Variants in WDR33 observed in about 807,000 individuals in gnomAD.
The protein encoded by WDR33 is pre-mRNA 3' end processing protein WDR33.
A neutral mutation model predicts 164.9 loss-of-function variants in WDR33; 47 were observed. The observed-to-expected ratio is 0.29, with a 90% CI of 0.23 to 0.36. The LOEUF is 0.36. Among genes scored for constraint, WDR33 ranks in the 10% least tolerant of loss-of-function variants. The pLI is 1.00. For missense variants in WDR33, 1,137 were observed against 1,754.1 expected (o/e 0.65, Z 6.28); for synonymous variants, 505 against 589.0 (o/e 0.86, Z 2.06).
At chr2:127,753,389 C>T (rs923435400) in intron 7 of WDR33, among the ~76,000 whole-genome samples, 3 of 152,150 alleles carry the variant, frequency 2.0e-5, no homozygotes, top group African/African-American at 7.2e-5. Flanking sequence ...ATAACAGTGG[C>T]TGAAAAATAT....
chr2:127,757,198 G>C (rs542942307), intron 7 of WDR33, among the ~76,000 whole-genome samples: 97 of 151,936 alleles, frequency 6.4e-4, no homozygotes, highest in African/African-American at 2.3e-3. Context: ...CCCAAGAAAG[G>C]TACAGATTTA....
chr2:127,701,926 GA>G lies in WDR33; in HGVS notation c.*4396del. 2 of 1,435,366 alleles carry G rather than the reference GA, an allele frequency of 1.4e-6. No homozygotes were observed. Among genetic ancestry groups the G allele is most frequent in the Non-Finnish European group, 1.8e-6 (2 of 1,101,244 alleles). The allele number at this position is 1,435,366 out of a possible 1,614,324, so 88.9% of individuals were successfully genotyped here. On this transcript the variant is annotated 3_prime_UTR_variant, in exon 22 of 22. Transcript: ENST00000322313. ...CTGCTGCGGGGCGGCGCGGCGTGCG[GA>G]CGCCTGCTGCGCTGCGAAGAAGCGC...
At position 127,764,525 on chromosome 2, in the gene WDR33, A is replaced by G; in HGVS notation, c.626+303T>C. 1.3e-6 allele frequency: 2 copies of G among 1,523,846 alleles called. No homozygotes were observed. Among genetic ancestry groups the G allele is most frequent in the Non-Finnish European group, 1.8e-6 (2 of 1,139,432 alleles). 94.4% of individuals were successfully genotyped at this position (1,523,846 alleles called of 1,614,324 possible). On this transcript the variant is annotated intron_variant, in intron 6 of 21. Transcript: ENST00000322313. This position sits in a 1 kb window ranked among gnomAD's most constrained non-coding sequence, Gnocchi z 6.2. ...GAAATATTCTTGTCTTACACAGTAG[A>G]TAATAAAAAGGAATAACGTATACAC...
rs780655920 is a variant in WDR33 at position 127,720,397 on chromosome 2, G to A, written c.1672-44C>T. The stretch of plus-strand genomic sequence containing the variant: ...AAAAGCATGTTGAATAAACAGGCCA[G>A]AGCCCTTGAAGATGACAATATTGCT... On this transcript the variant is annotated intron_variant, in intron 15 of 21. Coordinates refer to ENST00000322313, the MANE Select transcript of WDR33 (RefSeq NM_018383.5). This position sits in a 1 kb window ranked among gnomAD's most constrained non-coding sequence, Gnocchi z 5.9. The A allele has an allele frequency of 1.3e-5, 19 of 1,493,248 alleles. No individual in the cohort carries two copies. Among genetic ancestry groups the A allele is most frequent in the Non-Finnish European group, 1.7e-5 (19 of 1,123,800 alleles). 92.5% of individuals were successfully genotyped at this position (1,493,248 alleles called of 1,614,324 possible).
intron 1 of WDR33, among the ~76,000 whole-genome samples, chr2:127,774,194 G>GGT: frequency 6.6e-6 from 1 of 151,732 alleles, no homozygotes; most frequent in African/African-American, 2.4e-5. Flanking sequence ...TGGGATTACA[G>GGT]GCATCTGCCA....
intron 7 of WDR33, among the ~76,000 whole-genome samples, chr2:127,728,645 T>G (rs1002945128): frequency 6.6e-6 from 1 of 152,180 alleles, no homozygotes; most frequent in African/African-American, 2.4e-5. Flanking sequence ...CTTGTTTGCC[T>G]TAAGAAATTT....
chr2:127,717,241 G>A lies in WDR33; in HGVS notation c.2783C>T (p.Pro928Leu), dbSNP rs767325699. 11 of 1,601,732 alleles carry A rather than the reference G, an allele frequency of 6.9e-6. No homozygotes were observed. Among genetic ancestry groups the A allele is most frequent in the Admixed American group, 1.7e-5 (1 of 57,890 alleles). The change falls in exon 17 of 22, where the codon CCA becomes CTA. Residue 928 changes from proline (P) to leucine (L), a missense_variant. Around this residue, in one of 9 missense-constraint regions of WDR33, gnomAD observed 867 missense variants for 1,073.0 expected, o/e 0.81. Transcript: ENST00000322313. This position sits in a 1 kb window ranked among gnomAD's most constrained non-coding sequence, Gnocchi z 5.6. ...FNQEGQSTGPPPLIPGLGQQG... is the reference protein window; with the variant it reads ...FNQEGQSTGPLPLIPGLGQQG... ...CTGCCCTAGGCCTGGTATCAGGGGT[G>A]GGGGGCCTGTGCTCTGTCCTTCCTG...
chr2:127,766,178 T>C (rs551664231), intron 4 of WDR33, among the ~76,000 whole-genome samples: 20 of 150,974 alleles, frequency 1.3e-4, no homozygotes, highest in Non-Finnish European at 2.5e-4. Flanking sequence ...TATTTTCAAG[T>C]TTCTATGATG....
At chr2:127,781,878 A>G (rs565771193) in intron 1 of WDR33, among the ~76,000 whole-genome samples, 1 of 152,050 alleles carries the variant, frequency 6.6e-6, no homozygotes, top group Non-Finnish European at 1.5e-5. Context: ...CACGCCTGTA[A>G]TCTCAGCTAC....
chr2:127,701,983 C>G lies in WDR33; in HGVS notation c.*4340G>C, dbSNP rs1685902273. The G allele has an allele frequency of 7.4e-7, 1 of 1,357,704 alleles. No homozygotes were observed. The highest frequency in any genetic ancestry group is 9.4e-7 in the Non-Finnish European group (1 of 1,059,166). The allele number at this position is 1,357,704 out of a possible 1,614,324, so 84.1% of individuals were successfully genotyped here. A position where few individuals can be genotyped will look rare whatever the true frequency, so the allele number is the denominator to read the frequency against. On this transcript the variant is annotated 3_prime_UTR_variant, in exon 22 of 22. Transcript: ENST00000322313. ...CGGCCCGCGCTGCTCTACATGGCAG[C>G]GCTGGGCGCCACGCTGTTCGCCGCG...
chr2:127,800,196 T>C (rs1350630995), intron 1 of WDR33, among the ~76,000 whole-genome samples: 2 of 152,202 alleles, frequency 1.3e-5, no homozygotes, highest in African/African-American at 4.8e-5. Flanking sequence ...ACACAAATAT[T>C]TGTACGTGAA....
At chr2:127,779,665 T>C (rs1223716059) in intron 1 of WDR33, among the ~76,000 whole-genome samples, 1 of 152,168 alleles carries the variant, frequency 6.6e-6, no homozygotes, top group Non-Finnish European at 1.5e-5. Context: ...TCCCTTCCTG[T>C]GTATTTTCTG....
Position 127,709,929 on chromosome 2 carries a change from C to A in WDR33, c.3309-73G>T. 1 of 1,532,434 alleles carries A rather than the reference C, an allele frequency of 6.5e-7. No homozygotes were observed. 94.9% of individuals were successfully genotyped at this position (1,532,434 alleles called of 1,614,324 possible). The stretch of plus-strand genomic sequence containing the variant: ...ACTCTAAGTTCATGTTTCAAAGAAG[C>A]ATATGATATGAGAAAGCATGATACA... On this transcript the variant is annotated intron_variant, in intron 18 of 21. Coordinates refer to ENST00000322313, the MANE Select transcript of WDR33 (RefSeq NM_018383.5). The surrounding 1 kb of genome is among the most constrained non-coding windows in gnomAD (Gnocchi z 5.0).
chr2:127,742,486 C>T (rs886677458), intron 7 of WDR33, among the ~76,000 whole-genome samples: 4 of 147,308 alleles, frequency 2.7e-5, no homozygotes, highest in African/African-American at 5.1e-5. Context: ...ATGATTGCAC[C>T]GCTGCACTCC....
chr2:127,734,945 A>T (rs17599771), intron 7 of WDR33, among the ~76,000 whole-genome samples: 17,477 of 152,264 alleles, frequency 0.11, 1,244 homozygotes, highest in South Asian at 0.25. Context: ...AAAAATGCCT[A>T]ATGTGTTAAA....
chr2:127,724,825 C>A lies in WDR33; in HGVS notation c.1085+62G>T. On this transcript the variant is annotated intron_variant, in intron 10 of 21. Transcript: ENST00000322313. The surrounding 1 kb of genome is among the most constrained non-coding windows in gnomAD (Gnocchi z 4.8). ...TAGAAAAGCTACAAAACTATCATGT[C>A]TGCACACATTCACGTGCTCTCTTCA... The A allele has an allele frequency of 1.3e-6, 2 of 1,545,026 alleles. No individual in the cohort carries two copies. Among genetic ancestry groups the A allele is most frequent in the South Asian group, 1.1e-5 (1 of 89,428 alleles).
At chr2:127,805,757 C>T (rs900576702) in intron 1 of WDR33, among the ~76,000 whole-genome samples, 8 of 152,072 alleles carry the variant, frequency 5.3e-5, no homozygotes, top group African/African-American at 1.7e-4. Context: ...GAAGGGGCTC[C>T]GGCCACAGGT....
intron 7 of WDR33, among the ~76,000 whole-genome samples, chr2:127,740,877 A>G (rs1686994534): frequency 6.6e-6 from 1 of 152,232 alleles, no homozygotes. Context: ...CAAGACTGAC[A>G]TATGTTGGCT....
intron 4 of WDR33, among the ~76,000 whole-genome samples, chr2:127,766,267 C>T (rs530321379): frequency 1.1e-4 from 16 of 152,162 alleles, no homozygotes; most frequent in African/African-American, 3.4e-4. Context: ...AAAACTCCGA[C>T]AAAGTTGAAA....
Sources: gnomAD v4.1 joint callset for allele counts (sites outside exome capture counted in the v4.1 genomes callset) on GRCh38, gnomAD v4.1.1 for gene constraint, gnomAD v4.1.1 regional missense constraint, Gnocchi (gnomAD v3.1) non-coding constraint, MANE v1.5 for transcripts, NCBI Gene and HGNC (gene_info 2026-07-23, HGNC 2026-07-21) for gene names.